The following DCAF1 variants were observed in gnomAD, a reference collection of about 807,000 sequenced individuals.
DCAF1 encodes DDB1- and CUL4-associated factor 1.
Under a neutral mutation model 128.0 loss-of-function variants are expected in DCAF1, and 15 were observed. That is an observed-to-expected ratio of 0.12 (90% CI 0.08 to 0.18). The LOEUF (loss-of-function observed/expected upper bound fraction) is 0.18. Among genes scored for constraint, DCAF1 ranks in the 10% least tolerant of loss-of-function variants. The pLI is 1.00. For missense variants in DCAF1, 988 were observed against 1,649.5 expected (o/e 0.60, Z 6.95); for synonymous variants, 610 against 603.0 (o/e 1.01, Z -0.17).
intron 3 of DCAF1, among the ~76,000 whole-genome samples, chr3:51,477,233 CA>C (rs1263055421): frequency 6.7e-6 from 1 of 149,276 alleles, no homozygotes; most frequent in Non-Finnish European, 1.5e-5. Flanking sequence ...ATAAAAAGGT[CA>C]ATAAAAGAGC....
chr3:51,454,643 G>A (rs1319275632), intron 6 of DCAF1, among the ~76,000 whole-genome samples: 4 of 152,182 alleles, frequency 2.6e-5, no homozygotes, highest in East Asian at 3.9e-4. Context: ...GATTACAGGC[G>A]TGAGCCACGA....
chr3:51,471,031 A>G (rs782029569), intron 3 of DCAF1, 26 bp from the exon 4 acceptor site: 1 of 1,531,454 alleles, frequency 6.5e-7, no homozygotes, highest in South Asian at 1.2e-5. Context: ...CAAGGGGTCA[A>G]CTCTGGACAA....
In DCAF1 at chr3:51,474,622, TG is replaced by T. The variant is rs1393741201; in HGVS notation, c.111-3618del. Among the ~76,000 whole-genome samples, 10 of 151,360 alleles carry T rather than the reference TG, an allele frequency of 6.6e-5. No homozygotes were observed. The South Asian group carries it at 1.3e-3, about 19-fold the overall frequency. On this transcript the variant is annotated intron_variant, in intron 3 of 24. Transcript: ENST00000684031. The stretch of plus-strand genomic sequence containing the variant: ...TTGGTGATGGTTTTTTTTTTTTTAA[TG>T]TTTTTTTAAGAGACAGGGTCTCACT...
chr3:51,498,049 CAAAAAAAAAAAAAAAAAA>C (rs56734063), intron 1 of DCAF1, among the ~76,000 whole-genome samples: 5 of 20,832 alleles, frequency 2.4e-4, no homozygotes, highest in South Asian at 3.7e-3. Context: ...GACTCTGTCT[CAAAAAAAAAAAAAAAAAA>C]AAAAAAAAAA....
At chr3:51,412,109 TAAAAAAAAA>T (rs782087400) in intron 23 of DCAF1, among the ~76,000 whole-genome samples, 1 of 29,460 alleles carries the variant, frequency 3.4e-5, no homozygotes, top group Admixed American at 3.4e-4. Context: ...AACTCCATTC[TAAAAAAAAA>T]AAAAAAAAAA....
At chr3:51,428,156 A>C (rs1700060065) in intron 12 of DCAF1, among the ~76,000 whole-genome samples, 1 of 151,922 alleles carries the variant, frequency 6.6e-6, no homozygotes, top group Admixed American at 6.6e-5. Flanking sequence ...TAAGAGAAAG[A>C]AGCATCATGT....
At chr3:51,459,692 C>T (rs1703326381) in intron 6 of DCAF1, among the ~76,000 whole-genome samples, 1 of 152,162 alleles carries the variant, frequency 6.6e-6, no homozygotes, top group South Asian at 2.1e-4. Flanking sequence ...AGCAGCACAT[C>T]AAAAAGCTTA....
intron 24 of DCAF1, among the ~76,000 whole-genome samples, chr3:51,399,863 C>G (rs937371182): frequency 1.4e-4 from 22 of 152,128 alleles, no homozygotes; most frequent in African/African-American, 5.3e-4. Context: ...TGCAAATGCC[C>G]CATGTGGTAA....
intron 17 of DCAF1, among the ~76,000 whole-genome samples, chr3:51,417,390 A>G (rs1183271990): frequency 6.6e-6 from 1 of 151,750 alleles, no homozygotes; most frequent in Non-Finnish European, 1.5e-5. Context: ...CCGCACTCCA[A>G]CCTAAGTGAC....
chr3:51,468,790 A>C (rs1210029741), intron 4 of DCAF1, among the ~76,000 whole-genome samples: 1 of 152,228 alleles, frequency 6.6e-6, no homozygotes, highest in Non-Finnish European at 1.5e-5. Context: ...AGAGGAAAAA[A>C]TTGCTTTGTA....
At chr3:51,460,712 T>A (rs1325075778) in intron 6 of DCAF1, among the ~76,000 whole-genome samples, 27 of 151,762 alleles carry the variant, frequency 1.8e-4, no homozygotes, top group African/African-American at 5.3e-4. Context: ...CCAAAACAGA[T>A]ATATAGACCA....
At chr3:51,426,215 C>CTT (rs535315482) in intron 13 of DCAF1, among the ~76,000 whole-genome samples, 3 of 146,976 alleles carry the variant, frequency 2.0e-5, no homozygotes, top group African/African-American at 2.5e-5. Flanking sequence ...AATGGGTTCA[C>CTT]TTTTTTTTTT....
intron 12 of DCAF1, among the ~76,000 whole-genome samples, chr3:51,428,331 C>CTTTT (rs35486639): frequency 1.2e-4 from 13 of 110,494 alleles, no homozygotes; most frequent in Non-Finnish European, 1.5e-4. Flanking sequence ...CCACCATGCC[C>CTTTT]TTTTTTTTTT....
At chr3:51,400,908 G>A (rs151084954) in intron 24 of DCAF1, among the ~76,000 whole-genome samples, 100 of 152,118 alleles carry the variant, frequency 6.6e-4, no homozygotes, top group African/African-American at 2.2e-3. Flanking sequence ...CAAAGCAGGC[G>A]GATCACGACG....
chr3:51,443,877 T>C lies in DCAF1; in HGVS notation c.402A>G (p.Lys134=). 1 of 1,606,194 alleles carries C rather than the reference T, an allele frequency of 6.2e-7. No individual in the cohort carries two copies. Among genetic ancestry groups the C allele is most frequent in the Non-Finnish European group, 8.5e-7 (1 of 1,178,010 alleles). Residue 134 remains lysine, a synonymous_variant, in exon 7 of 25, where the codon AAA becomes AAG. Transcript: ENST00000684031. Reference sequence around the variant, plus strand: ...ATGGTTGATCGGCCTCTCGGGCCCATTTGAAAAGATTCTCGACAATTCCCT... The same window carrying C: ...ATGGTTGATCGGCCTCTCGGGCCCACTTGAAAAGATTCTCGACAATTCCCT... ...EKEGIVENLF[K]WAREADQPLR...
chr3:51,430,104 T>C lies in DCAF1; in HGVS notation c.1396A>G (p.Ile466Val), dbSNP rs782078941. The C allele has an allele frequency of 1.3e-6, 1 of 780,326 alleles. No individual in the cohort carries two copies. The highest frequency in any genetic ancestry group is 1.7e-5 in the Admixed American group (1 of 58,988). 48.3% of individuals were successfully genotyped at this position (780,326 alleles called of 1,614,324 possible). The change falls in exon 11 of 25, where the codon ATT becomes GTT. Residue 466 changes from isoleucine to valine, a missense_variant. This residue lies in a region of DCAF1 where 185 missense variants were observed against 248.1 expected (regional missense o/e 0.75). Coordinates refer to ENST00000684031, the MANE Select transcript of DCAF1 (RefSeq NM_001387579.1). ...GCCHATMFFS[I>V]CFSFRAVLEL... is the part of the protein sequence containing the mutation. ...AAGACGGCCCGAAATGAGAAGCAAATTGAAAAAAACATGGTAGCATGGCAG... is the reference window on the plus strand; with the variant it reads ...AAGACGGCCCGAAATGAGAAGCAAACTGAAAAAAACATGGTAGCATGGCAG...
At chr3:51,407,687 T>G (rs190229872) in intron 23 of DCAF1, among the ~76,000 whole-genome samples, 1 of 152,128 alleles carries the variant, frequency 6.6e-6, no homozygotes, top group Non-Finnish European at 1.5e-5. Context: ...TGAACTGATT[T>G]CTAAAAACAC....
chr3:51,439,017 A>G (rs945958183), intron 9 of DCAF1, among the ~76,000 whole-genome samples: 2 of 152,220 alleles, frequency 1.3e-5, no homozygotes, highest in African/African-American at 2.4e-5. Flanking sequence ...TCATTCAACT[A>G]TCTCTCTCCA....
At chr3:51,424,161 G>A (rs1202664968) in intron 13 of DCAF1, among the ~76,000 whole-genome samples, 2 of 152,022 alleles carry the variant, frequency 1.3e-5, no homozygotes, top group African/African-American at 2.4e-5. Flanking sequence ...GGGTGTGGTG[G>A]GAGACCAGGG....
Sources: allele counts gnomAD v4.1 joint callset (sites outside exome capture counted in the v4.1 genomes callset), GRCh38; gene constraint gnomAD v4.1.1; regional missense constraint gnomAD v4.1.1; transcripts MANE v1.5; gene names NCBI Gene and HGNC (gene_info 2026-07-23, HGNC 2026-07-21).